TRIP13: variants seen among roughly 807,000 people sequenced by gnomAD.
The protein encoded by TRIP13 is thyroid hormone receptor interactor 13, also known as pachytene checkpoint protein 2 homolog.
TRIP13 carries 25 observed loss-of-function variants against 54.4 expected under a neutral mutation model. The ratio of observed to expected loss-of-function variants is 0.46; its 90% CI spans 0.33 to 0.64. TRIP13 has a LOEUF of 0.64. Ranked by LOEUF, TRIP13 falls within the 30% of genes least tolerant of loss-of-function variation. TRIP13 has a pLI of 0.02. For synonymous variants in TRIP13, 207 were observed against 207.8 expected, an observed-to-expected ratio of 1.00 and a Z score of 0.03; for missense variants, 373 against 534.2, an observed-to-expected ratio of 0.70 and a Z score of 2.97.
chr5:903,065 A>T (rs1472671255), intron 5 of TRIP13, among the ~76,000 whole-genome samples: 1 of 152,136 alleles, frequency 6.6e-6, no homozygotes, highest in Non-Finnish European at 1.5e-5. Flanking sequence ...CCTCTGGATG[A>T]CTGCGGGCGG....
At chr5:901,795 G>C (rs1342670665) in intron 5 of TRIP13, among the ~76,000 whole-genome samples, 1 of 152,088 alleles carries the variant, frequency 6.6e-6, no homozygotes, top group Non-Finnish European at 1.5e-5. Flanking sequence ...GCTAAGTTTT[G>C]TATTTTTAGT....
chr5:914,881 A>G (rs1164264017), intron 11 of TRIP13, among the ~76,000 whole-genome samples: 2 of 152,204 alleles, frequency 1.3e-5, no homozygotes, highest in Non-Finnish European at 2.9e-5. Context: ...GTCCACAGAA[A>G]GGAAATGGCT....
intron 1 of TRIP13, among the ~76,000 whole-genome samples, chr5:893,412 G>A (rs1753754728): frequency 6.6e-6 from 1 of 152,218 alleles, no homozygotes; most frequent in East Asian, 1.9e-4. Flanking sequence ...CCAGTGCATT[G>A]ATGTGGCCCT....
At position 913,596 on chromosome 5, in the gene TRIP13, T is replaced by C. The variant is rs900022425; in HGVS notation, c.1021-869T>C. Among the ~76,000 whole-genome samples the C allele has an allele frequency of 6.6e-6, 1 of 152,186 alleles. No homozygotes were observed. Among genetic ancestry groups the C allele is most frequent in the East Asian group, 1.9e-4 (1 of 5,192 alleles). On this transcript the variant is annotated intron_variant, in intron 10 of 12. Transcript: ENST00000166345. The surrounding 1 kb of genome is among the most constrained non-coding windows in gnomAD (Gnocchi z 4.5). ...GTCTCAAACTCCTGACCTCAAGTGATCCGCCCACCTCAGCCTTCCAAAGTG... is the reference window on the plus strand; with the variant it reads ...GTCTCAAACTCCTGACCTCAAGTGACCCGCCCACCTCAGCCTTCCAAAGTG...
rs1217724909 is a variant in TRIP13, at chr5:913,839, C to T, written c.1021-626C>T. On this transcript the variant is annotated intron_variant, in intron 10 of 12. Transcript: ENST00000166345. The surrounding 1 kb of genome is among the most constrained non-coding windows in gnomAD (Gnocchi z 4.5). ...CAGACAATGCTATTTTCTTCCTTCT[C>T]CTTGTTCCTGAGTCAGAACGGTTCG... Among the ~76,000 whole-genome samples, 1 of 152,198 alleles carries T rather than the reference C, an allele frequency of 6.6e-6. No individual in the cohort carries two copies. The highest frequency in any genetic ancestry group is 1.5e-5 in the Non-Finnish European group (1 of 68,030).
At chr5:914,406 G>C (rs1382393910) in intron 10 of TRIP13, 59 bp from the exon 11 acceptor site, 1 of 1,205,790 alleles carries the variant, frequency 8.3e-7, no homozygotes, top group Middle Eastern at 2.0e-4. Context: ...TCTTGCTGAC[G>C]GTGCCTACGC....
At chr5:902,952 A>G (rs1380195171) in intron 5 of TRIP13, among the ~76,000 whole-genome samples, 1 of 152,190 alleles carries the variant, frequency 6.6e-6, no homozygotes, top group African/African-American at 2.4e-5. Flanking sequence ...TACTTTCACT[A>G]ATTTGCTACT....
At chr5:901,543 C>T (rs1490378459) in intron 5 of TRIP13, 112 bp downstream of exon 5, 1 of 953,000 alleles carries the variant, frequency 1.0e-6, no homozygotes, top group Middle Eastern at 2.1e-4. Context: ...GAAGGAGCCA[C>T]AGCTGTCCTA....
rs776143051 is a variant in TRIP13, at chr5:908,329, T to C, written c.760-26T>C. ...TGTGAAGTGCCAGGCCCTGTCCTTTTTGACCCCACTGCTCCCTCCCAACAG... is the reference window on the plus strand; with the variant it reads ...TGTGAAGTGCCAGGCCCTGTCCTTTCTGACCCCACTGCTCCCTCCCAACAG... On this transcript the variant is annotated intron_variant, in intron 8 of 12. Transcript: ENST00000166345. This position sits in a 1 kb window ranked among gnomAD's most constrained non-coding sequence, Gnocchi z 5.2. 3.7e-6 allele frequency: 6 copies of C among 1,607,696 alleles called. No homozygotes were observed. Among genetic ancestry groups the C allele is most frequent in the Non-Finnish European group, 5.1e-6 (6 of 1,179,666 alleles).
In TRIP13 at chr5:908,262, A is replaced by G. The variant is rs891165213; in HGVS notation, c.760-93A>G. On this transcript the variant is annotated intron_variant, in intron 8 of 12. Coordinates refer to ENST00000166345, the MANE Select transcript of TRIP13 (RefSeq NM_004237.4). The surrounding 1 kb of genome is among the most constrained non-coding windows in gnomAD (Gnocchi z 5.2). ...TAGGCACGGGAACACCCATTCATTC[A>G]TCTTTTTCACGTGCTCAGCGGGACG... 4.7e-6 allele frequency: 7 copies of G among 1,485,996 alleles called. No homozygotes were observed. The highest frequency in any genetic ancestry group is 2.3e-5 in the East Asian group (1 of 44,134). 92.1% of individuals were successfully genotyped at this position (1,485,996 alleles called of 1,614,324 possible).
At position 917,406 on chromosome 5, in the gene TRIP13, A is replaced by G. The variant is rs1754362178; in HGVS notation, c.*303A>G. 1 of 270,880 alleles carries G rather than the reference A, an allele frequency of 3.7e-6. No homozygotes were observed. The highest frequency in any genetic ancestry group is 5.4e-5 in the Admixed American group (1 of 18,418). 16.8% of individuals were successfully genotyped at this position (270,880 alleles called of 1,614,324 possible). A position where few individuals can be genotyped will look rare whatever the true frequency, so the allele number is the denominator to read the frequency against. ...TTTGTTCCCAGCCCACCCCCAGTGG[A>G]TGGGATGCATAATGCCAGCAAGTTT... On this transcript the variant is annotated 3_prime_UTR_variant, in exon 13 of 13. Transcript: ENST00000166345.
At position 907,445 on chromosome 5, in the gene TRIP13, C is replaced by T. The variant is rs1754138507; in HGVS notation, c.672+252C>T. Among the ~76,000 whole-genome samples, 2 of 152,206 alleles carry T rather than the reference C, an allele frequency of 1.3e-5. No individual in the cohort carries two copies. Among genetic ancestry groups the T allele is most frequent in the Non-Finnish European group, 2.9e-5 (2 of 68,036 alleles). On this transcript the variant is annotated intron_variant, in intron 7 of 12. Coordinates refer to ENST00000166345, the MANE Select transcript of TRIP13 (RefSeq NM_004237.4). This position sits in a 1 kb window ranked among gnomAD's most constrained non-coding sequence, Gnocchi z 4.1. ...CTCTCAGAAGGGCAGGGCTGGCACTCAGGGGACTGCAGCCCTGCCATGCAT... is the reference window on the plus strand; with the variant it reads ...CTCTCAGAAGGGCAGGGCTGGCACTTAGGGGACTGCAGCCCTGCCATGCAT...
chr5:894,092 T>A lies in TRIP13; in HGVS notation c.93-695T>A, dbSNP rs145565639. On this transcript the variant is annotated intron_variant, in intron 1 of 12. Transcript: ENST00000166345. ...CCGCACTATGCATGGTGGTCGCTGC[T>A]TGTAGGGTGCTGGGACGATTGCAAA... is the stretch of plus-strand genomic sequence containing the variant. 2.1e-3 allele frequency among the ~76,000 whole-genome samples: 312 copies of A among 152,156 alleles called. 2 individuals are homozygous for A. Among genetic ancestry groups the A allele is most frequent in the African/African-American group, 7.2e-3 (298 of 41,490 alleles).
intron 6 of TRIP13, among the ~76,000 whole-genome samples, chr5:905,153 C>G (rs1217185272): frequency 6.6e-6 from 1 of 152,054 alleles, no homozygotes; most frequent in African/African-American, 2.4e-5. Flanking sequence ...TTTTTTTAAG[C>G]TTTGACTGGG....
At chr5:904,279 TG>T (rs1754060534) in intron 6 of TRIP13, 59 bp downstream of exon 6, 16 of 1,454,096 alleles carry the variant, frequency 1.1e-5, no homozygotes, top group Middle Eastern at 1.8e-4. Context: ...AACGGGAGGT[TG>T]TTTTTTTTTT....
chr5:908,320 C>G lies in TRIP13; in HGVS notation c.760-35C>G. 3 of 1,604,638 alleles carry G rather than the reference C, an allele frequency of 1.9e-6. No homozygotes were observed. The highest frequency in any genetic ancestry group is 2.5e-6 in the Non-Finnish European group (3 of 1,177,682). On this transcript the variant is annotated intron_variant, in intron 8 of 12. Transcript: ENST00000166345. This position sits in a 1 kb window ranked among gnomAD's most constrained non-coding sequence, Gnocchi z 5.2. ...ATAGCTGCCTGTGAAGTGCCAGGCC[C>G]TGTCCTTTTTGACCCCACTGCTCCC...
intron 4 of TRIP13, 31 bp downstream of exon 4, chr5:900,580 C>T (rs1402266253): frequency 5.0e-6 from 8 of 1,606,674 alleles, no homozygotes; most frequent in East Asian, 2.3e-5. Context: ...CCAGAATGCC[C>T]TGTTATTTGA....
At chr5:919,146 T>C (rs1048185683), downstream of TRIP13, 3 of 152,190 alleles carry the variant, frequency 2.0e-5, no homozygotes, top group Admixed American at 6.5e-5. Flanking sequence ...CCTGCAGTTA[T>C]GGAGGATGAG....
rs148584179 is a variant in TRIP13 at position 901,386 on chromosome 5, G to A, written c.490G>A (p.Val164Ile). The A allele has an allele frequency of 1.7e-5, 27 of 1,613,996 alleles. No individual in the cohort carries two copies. The highest frequency in any genetic ancestry group is 2.1e-5 in the Non-Finnish European group (25 of 1,180,014). ...AACTTTACTGTTTTCAGACAAGAAC[G>A]TCAACAGCAACCTCATCACCTGGAA... ...MTTLLFSDKN[V>I]NSNLITWNRV... The change falls in exon 5 of 13, where the codon GTC becomes ATC. Residue 164 changes from valine (V) to isoleucine (I), a missense_variant. Val to Ile is a conservative substitution (Grantham distance 29, BLOSUM62 3). This residue lies in a region of TRIP13 where 119 missense variants were observed against 223.0 expected (regional missense o/e 0.53). Coordinates refer to ENST00000166345, the MANE Select transcript of TRIP13 (RefSeq NM_004237.4).
Sources: gnomAD v4.1 joint callset for allele counts (sites outside exome capture counted in the v4.1 genomes callset) on GRCh38, gnomAD v4.1.1 for gene constraint, gnomAD v4.1.1 regional missense constraint, Gnocchi (gnomAD v3.1) non-coding constraint, MANE v1.5 for transcripts, NCBI Gene and HGNC (gene_info 2026-07-23, HGNC 2026-07-21) for gene names.